The following PTBP2 variants were observed in gnomAD, a reference collection of about 807,000 sequenced individuals.
The protein encoded by PTBP2 is polypyrimidine tract-binding protein 2.
PTBP2 carries 13 observed loss-of-function variants against 61.4 expected under a neutral mutation model. That is an observed-to-expected ratio of 0.21 (90% CI 0.14 to 0.34). PTBP2 has a LOEUF of 0.34. Ranked by LOEUF, PTBP2 falls within the 10% of genes least tolerant of loss-of-function variation. The pLI, the probability that PTBP2 is intolerant of heterozygous loss-of-function variation, is 1.00. For synonymous variants in PTBP2, 215 were observed against 218.5 expected (o/e 0.98, Z 0.14); for missense variants, 405 against 642.6 (o/e 0.63, Z 4.00).
chr1:96,760,046 C>G (rs1324547743), intron 3 of PTBP2, among the ~76,000 whole-genome samples: 1 of 152,084 alleles, frequency 6.6e-6, no homozygotes, highest in African/African-American at 2.4e-5. Context: ...TTGGAAAGAC[C>G]TGCCCCCATG....
chr1:96,729,926 C>CG (rs1371887412), intron 2 of PTBP2, among the ~76,000 whole-genome samples: 3 of 151,796 alleles, frequency 2.0e-5, no homozygotes, highest in Admixed American at 6.6e-5. Context: ...TTAGTAGAGA[C>CG]GGGGTTTCAC....
chr1:96,735,876 A>G (rs1652095058), intron 2 of PTBP2, among the ~76,000 whole-genome samples: 1 of 152,208 alleles, frequency 6.6e-6, no homozygotes, highest in South Asian at 2.1e-4. Context: ...GAGCTATATG[A>G]GTTCTTAGAT....
chr1:96,741,947 A>G (rs1653090973), intron 2 of PTBP2, among the ~76,000 whole-genome samples: 1 of 152,214 alleles, frequency 6.6e-6, no homozygotes, highest in African/African-American at 2.4e-5. Context: ...TAGCAGTACA[A>G]CAGTGTCTTA....
chr1:96,813,661 CTTTT>C lies in PTBP2; in HGVS notation c.*274_*277del, dbSNP rs66475516. ...TGTTTAAAATTTCAGTTTAATTTTG[CTTTT>C]TTTTTTTTTTTTTTTTTCCTTTCAA... On this transcript the variant is annotated 3_prime_UTR_variant, in exon 14 of 14. Coordinates refer to ENST00000674951, the MANE Select transcript of PTBP2 (RefSeq NM_021190.4). The C allele has an allele frequency of 8.0e-3, 980 of 122,200 alleles. No homozygotes were observed. The highest frequency in any genetic ancestry group is 0.016 in the East Asian group (84 of 5,234). The allele number at this position is 122,200 out of a possible 1,614,324, so 7.6% of individuals were successfully genotyped here. A position where few individuals can be genotyped will look rare whatever the true frequency, so the allele number is the denominator to read the frequency against.
At chr1:96,760,746 AGTTT>A (rs1570827066) in intron 3 of PTBP2, among the ~76,000 whole-genome samples, 1 of 152,084 alleles carries the variant, frequency 6.6e-6, no homozygotes, top group East Asian at 1.9e-4. Flanking sequence ...CGTCTGACCT[AGTTT>A]ACTATTTTCT....
chr1:96,724,351 A>G (rs1650073494), intron 2 of PTBP2, among the ~76,000 whole-genome samples: 1 of 152,076 alleles, frequency 6.6e-6, no homozygotes, highest in Non-Finnish European at 1.5e-5. Context: ...CCTGGGTTCA[A>G]GCAGTTCTCC....
At chr1:96,791,839 T>TTTTG (rs1659863425) in intron 8 of PTBP2, among the ~76,000 whole-genome samples, 1 of 138,184 alleles carries the variant, frequency 7.2e-6, no homozygotes, top group African/African-American at 2.8e-5. Context: ...TTTTTTTTTT[T>TTTTG]TTTTTTTTTT....
At chr1:96,741,280 GAGAC>G (rs1157114004) in intron 2 of PTBP2, among the ~76,000 whole-genome samples, 1 of 151,702 alleles carries the variant, frequency 6.6e-6, no homozygotes, top group African/African-American at 2.4e-5. Flanking sequence ...TTTGTTTTGA[GAGAC>G]AGAGTCTCAC....
At chr1:96,769,902 T>C (rs374967810) in intron 4 of PTBP2, 27 bp downstream of exon 4, 3 of 1,533,344 alleles carry the variant, frequency 2.0e-6, no homozygotes, top group Non-Finnish European at 2.6e-6. Flanking sequence ...GTTTATGAAA[T>C]GTTAAACCCC....
intron 8 of PTBP2, 107 bp downstream of exon 8, chr1:96,785,361 G>T (rs1659101065): frequency 2.4e-6 from 2 of 833,634 alleles, no homozygotes; most frequent in African/African-American, 3.6e-5. Flanking sequence ...ATTGTGTTAG[G>T]TTTCGTGAGT....
chr1:96,744,971 A>C (rs925601781), intron 2 of PTBP2, among the ~76,000 whole-genome samples: 1 of 152,152 alleles, frequency 6.6e-6, no homozygotes, highest in African/African-American at 2.4e-5. Context: ...CCTCTCACAA[A>C]TGTATCCCAT....
intron 2 of PTBP2, among the ~76,000 whole-genome samples, chr1:96,739,618 G>GTTTT (rs772410191): frequency 1.2e-5 from 1 of 83,790 alleles, no homozygotes; most frequent in Non-Finnish European, 2.2e-5. Context: ...ACTGGTGTGT[G>GTTTT]TTTTTTTTTT....
At position 96,770,754 on chromosome 1, in the gene PTBP2, A is replaced by G. The variant is rs780606271; in HGVS notation, c.335A>G (p.Asn112Ser). ...GAGGAAGCAGCTATTACTATGGTTA[A>G]TTACTATTCTGCTGTGACACCTCAT... The part of the protein sequence containing the change: ...ATEEAAITMV[N>S]YYSAVTPHLR... The change falls in exon 5 of 14, where the codon AAT becomes AGT. Residue 112 changes from asparagine to serine, a missense_variant. Physicochemically the swap from Asn to Ser is conservative, Grantham distance 46. Coordinates refer to ENST00000674951, the MANE Select transcript of PTBP2 (RefSeq NM_021190.4). 3.1e-6 allele frequency: 5 copies of G among 1,611,742 alleles called. No individual in the cohort carries two copies. The Admixed American group carries it at 8.3e-5, about 27-fold the overall frequency.
intron 2 of PTBP2, among the ~76,000 whole-genome samples, chr1:96,729,643 G>C (rs1310777778): frequency 6.6e-6 from 1 of 151,792 alleles, no homozygotes; most frequent in Non-Finnish European, 1.5e-5. Flanking sequence ...CTTCTTGAGT[G>C]AACTTTGGTA....
chr1:96,789,331 G>A (rs916406034), intron 8 of PTBP2, among the ~76,000 whole-genome samples: 4 of 151,972 alleles, frequency 2.6e-5, no homozygotes, highest in Admixed American at 6.6e-5. Flanking sequence ...TATTCATGAA[G>A]GTAAACATGT....
At chr1:96,753,481 A>G (rs1293226064) in intron 3 of PTBP2, among the ~76,000 whole-genome samples, 3 of 152,040 alleles carry the variant, frequency 2.0e-5, no homozygotes. Context: ...CCAAAACAAA[A>G]CAACACCCCC....
intron 2 of PTBP2, among the ~76,000 whole-genome samples, chr1:96,748,585 A>G (rs1436265711): frequency 6.6e-6 from 1 of 152,188 alleles, no homozygotes; most frequent in Admixed American, 6.5e-5. Context: ...TTAATAAGAG[A>G]TATCTATGCT....
chr1:96,739,943 A>T lies in PTBP2; in HGVS notation c.40-11482A>T, dbSNP rs571283930. 2.3e-3 allele frequency among the ~76,000 whole-genome samples: 348 copies of T among 152,176 alleles called. 1 individual carries two copies. The highest frequency in any genetic ancestry group is 3.8e-3 in the Admixed American group (58 of 15,284). On this transcript the variant is annotated intron_variant, in intron 2 of 13. Transcript: ENST00000674951. The stretch of plus-strand genomic sequence containing the variant: ...CTGGCCAATCTGAAACTTTTTGAGC[A>T]CTTACTTGATGCTCAAAGGAAGTGC...
intron 8 of PTBP2, among the ~76,000 whole-genome samples, chr1:96,792,669 A>T (rs1659974987): frequency 6.6e-6 from 1 of 152,190 alleles, no homozygotes. Flanking sequence ...TATTGATTAA[A>T]ATACCAAAAA....
Sources: allele counts gnomAD v4.1 joint callset (sites outside exome capture counted in the v4.1 genomes callset), GRCh38; gene constraint gnomAD v4.1.1; transcripts MANE v1.5; gene names NCBI Gene and HGNC (gene_info 2026-07-23, HGNC 2026-07-21).